The following AFF2 variants were observed in gnomAD, a reference collection of about 807,000 sequenced individuals.
The protein encoded by AFF2 is ALF transcription elongation factor 2, also known as AF4/FMR2 family member 2.
A neutral mutation model predicts 76.9 loss-of-function variants in AFF2; 14 were observed. The ratio of observed to expected loss-of-function variants is 0.18; its 90% CI spans 0.12 to 0.28. The LOEUF is 0.28. AFF2 is among the 10% of genes least tolerant of loss of function. The pLI, the probability that AFF2 is intolerant of heterozygous loss-of-function variation, is 1.00. For synonymous variants in AFF2, 398 were observed against 366.7 expected, an observed-to-expected ratio of 1.09 and a Z score of -0.98; for missense variants, 868 against 1,001.1, an observed-to-expected ratio of 0.87 and a Z score of 1.79.
intron 2 of AFF2, among the ~76,000 whole-genome samples, chrX:148,657,975 A>G (rs781794152): frequency 8.9e-6 from 1 of 111,949 alleles, no homozygotes; most frequent in East Asian, 2.8e-4. Context: ...AATGTATTTC[A>G]GGCCCCATTG....
At chrX:148,678,312 G>T (rs1265483456) in intron 3 of AFF2, among the ~76,000 whole-genome samples, 2 of 111,019 alleles carry the variant, frequency 1.8e-5, no homozygotes, top group South Asian at 3.7e-4. Flanking sequence ...TAAGTGAAAA[G>T]AAAAAAAATC....
At chrX:148,663,602 A>G (rs1299330108) in intron 3 of AFF2, among the ~76,000 whole-genome samples, 1 of 112,483 alleles carries the variant, frequency 8.9e-6, no homozygotes, top group African/African-American at 3.2e-5. Flanking sequence ...AGACACTACC[A>G]TGTAAGCGGC....
intron 3 of AFF2, among the ~76,000 whole-genome samples, chrX:148,680,745 G>A (rs1299067412): frequency 3.6e-5 from 4 of 111,257 alleles, no homozygotes; most frequent in African/African-American, 1.3e-4. Context: ...AGAGTTCAGA[G>A]TACCCTGGGA....
chrX:148,871,165 C>A (rs1259152475), intron 7 of AFF2, among the ~76,000 whole-genome samples: 3 of 111,193 alleles, frequency 2.7e-5, no homozygotes, highest in African/African-American at 9.8e-5. Context: ...GAAGGTTAGA[C>A]GACAGACAAC....
At chrX:148,942,146 C>T (rs1179216377) in intron 9 of AFF2, among the ~76,000 whole-genome samples, 1 of 107,509 alleles carries the variant, frequency 9.3e-6, no homozygotes, top group African/African-American at 3.4e-5. Context: ...AAGTCATTAG[C>T]GATGACTTCA....
chrX:148,881,377 T>C (rs1322832885), intron 7 of AFF2, among the ~76,000 whole-genome samples: 2 of 110,647 alleles, frequency 1.8e-5, no homozygotes, highest in Non-Finnish European at 3.8e-5. Flanking sequence ...AACTGGGGGG[T>C]CGCCCTTGGT....
At chrX:148,834,114 G>C (rs782548255) in intron 4 of AFF2, among the ~76,000 whole-genome samples, 1 of 112,373 alleles carries the variant, frequency 8.9e-6, no homozygotes, top group Non-Finnish European at 1.9e-5. Flanking sequence ...TGACTTTGGA[G>C]TCTTCATATC....
intron 3 of AFF2, among the ~76,000 whole-genome samples, chrX:148,809,197 G>C (rs2070173129): frequency 8.9e-6 from 1 of 112,043 alleles, no homozygotes. Context: ...TCTTACAGCT[G>C]GTTGCTTATT....
At chrX:148,618,225 A>C (rs1557250762) in intron 1 of AFF2, among the ~76,000 whole-genome samples, 1 of 111,577 alleles carries the variant, frequency 9.0e-6, no homozygotes, top group Non-Finnish European at 1.9e-5. Context: ...AGCCTGTGTT[A>C]GTCTGTTATC....
At chrX:148,890,632 T>C (rs527847411) in intron 8 of AFF2, among the ~76,000 whole-genome samples, 2 of 112,424 alleles carry the variant, frequency 1.8e-5, no homozygotes, top group African/African-American at 6.5e-5. Flanking sequence ...AAAGGCTAGG[T>C]TGCCAATGAT....
At chrX:148,964,633 A>C (rs1557288481) in intron 13 of AFF2, among the ~76,000 whole-genome samples, 1 of 111,718 alleles carries the variant, frequency 9.0e-6, no homozygotes, top group Admixed American at 9.5e-5. Flanking sequence ...GCAAGCGCCT[A>C]AGGCAAAGGG....
intron 1 of AFF2, among the ~76,000 whole-genome samples, chrX:148,505,777 G>C (rs1264621150): frequency 8.9e-6 from 1 of 112,107 alleles, no homozygotes; most frequent in Non-Finnish European, 1.9e-5. Context: ...CTGTCACGTA[G>C]ACAAAACAAT....
At chrX:148,757,212 A>G (rs189403982) in intron 3 of AFF2, among the ~76,000 whole-genome samples, 1 of 112,291 alleles carries the variant, frequency 8.9e-6, no homozygotes, top group African/African-American at 3.2e-5. Flanking sequence ...AAATATACCC[A>G]TTCATTTACA....
At chrX:148,504,129 G>A (rs2052382166) in intron 1 of AFF2, among the ~76,000 whole-genome samples, 1 of 111,337 alleles carries the variant, frequency 9.0e-6, no homozygotes, top group Non-Finnish European at 1.9e-5. Flanking sequence ...ATCAGGTAAT[G>A]ATGTCATTAA....
At chrX:148,854,431 C>T (rs782223182) in intron 7 of AFF2, among the ~76,000 whole-genome samples, 1 of 111,251 alleles carries the variant, frequency 9.0e-6, no homozygotes, top group South Asian at 3.9e-4. Context: ...TCAGTATTCA[C>T]GGTGGCAAGA....
At chrX:148,777,055 A>C (rs192742360) in intron 3 of AFF2, among the ~76,000 whole-genome samples, 1 of 112,032 alleles carries the variant, frequency 8.9e-6, no homozygotes, top group Non-Finnish European at 1.9e-5. Context: ...AAGGGGGACC[A>C]GTTTCAGTTT....
intron 20 of AFF2, among the ~76,000 whole-genome samples, chrX:148,988,742 G>A (rs1310512326): frequency 8.9e-6 from 1 of 111,999 alleles, no homozygotes; most frequent in Non-Finnish European, 1.9e-5. Flanking sequence ...CCTCAACGCA[G>A]CTATAAATTT....
chrX:148,666,590 A>G (rs2054362631), intron 3 of AFF2, among the ~76,000 whole-genome samples: 1 of 52,491 alleles, frequency 1.9e-5, no homozygotes, highest in South Asian at 8.0e-4. Context: ...TCTCAAAAAT[A>G]AATAAATAAA....
chrX:148,702,202 A>G (rs1557261948), intron 3 of AFF2, among the ~76,000 whole-genome samples: 1 of 111,605 alleles, frequency 9.0e-6, no homozygotes, highest in Non-Finnish European at 1.9e-5. Context: ...TCTCATAACT[A>G]TAGTTCATTT....
Sources: gnomAD v4.1 joint callset for allele counts (sites outside exome capture counted in the v4.1 genomes callset) on GRCh38, gnomAD v4.1.1 for gene constraint, MANE v1.5 for transcripts, NCBI Gene and HGNC (gene_info 2026-07-23, HGNC 2026-07-21) for gene names.